GFM1: variants seen among roughly 807,000 people sequenced by gnomAD.
GFM1 encodes G elongation factor mitochondrial 1, also known as elongation factor G, mitochondrial.
In GFM1, 62 loss-of-function variants were observed where a neutral mutation model predicts 96.2. That is an observed-to-expected ratio of 0.64 (90% CI 0.53 to 0.80). The LOEUF is 0.80. Among genes scored for constraint, GFM1 ranks in the 30% least tolerant of loss-of-function variants. The pLI is 0.00. For missense variants in GFM1, 852 were observed against 916.6 expected, an observed-to-expected ratio of 0.93 and a Z score of 0.91; for synonymous variants, 282 against 312.9, an observed-to-expected ratio of 0.90 and a Z score of 1.04.
chr3:158,644,979 GGTT>G, intron 1 of GFM1: 3 of 299,718 alleles, frequency 1.0e-5, no homozygotes, highest in Middle Eastern at 9.4e-4. Flanking sequence ...CCTTTTCTAA[GGTT>G]TTTTTTTTTT....
intron 15 of GFM1, chr3:158,684,875 C>T: frequency 1.9e-6 from 1 of 538,158 alleles, no homozygotes; most frequent in East Asian, 3.1e-5. Context: ...ACTGTATTCT[C>T]CTACATTCTC....
chr3:158,651,127 A>T (rs1722269067), intron 5 of GFM1: 1 of 151,664 alleles, frequency 6.6e-6, no homozygotes, highest in African/African-American at 2.4e-5. Context: ...TTTATTTGTA[A>T]TTTTACCTGT....
At chr3:158,660,488 T>C (rs911829277) in intron 9 of GFM1, 1 of 242,174 alleles carries the variant, frequency 4.1e-6, no homozygotes, top group African/African-American at 2.3e-5. Context: ...CCTCAGGTGA[T>C]CCACTCGCCT....
intron 15 of GFM1, among the ~76,000 whole-genome samples, chr3:158,685,991 G>T (rs1725802616): frequency 6.6e-6 from 1 of 151,762 alleles, no homozygotes; most frequent in Non-Finnish European, 1.5e-5. Flanking sequence ...GGAAATAGAG[G>T]TTACATAAAG....
intron 13 of GFM1, among the ~76,000 whole-genome samples, chr3:158,681,628 C>G (rs1725389298): frequency 6.6e-6 from 1 of 152,110 alleles, no homozygotes; most frequent in South Asian, 2.1e-4. Context: ...AAGTAGTTGT[C>G]TTTGGTTACA....
intron 8 of GFM1, among the ~76,000 whole-genome samples, chr3:158,658,157 CTTTT>C (rs397842738): frequency 0.12 from 11,695 of 96,946 alleles, 363 homozygotes; most frequent in South Asian, 0.23. Context: ...TCACAGAACT[CTTTT>C]TTTTTTTTTT....
chr3:158,671,691 C>T (rs1477272676), intron 13 of GFM1, among the ~76,000 whole-genome samples: 1 of 152,196 alleles, frequency 6.6e-6, no homozygotes, highest in Non-Finnish European at 1.5e-5. Flanking sequence ...GGGATAATCT[C>T]AAATCCAGTA....
In GFM1 at chr3:158,652,093, TAGTC is replaced by T. The variant is rs778902849; in HGVS notation, c.690_693del (p.Gln231LeufsTer11). On this transcript the variant is annotated splice_acceptor_variant and coding_sequence_variant, in exon 6 of 18. Transcript: ENST00000486715. LOFTEE classifies it high-confidence loss of function. ...TAAAGCACCAAAATATTTGCTTTCT[TAGTC>T]AGATTGTTCGATATGGTGAGATTCC... 38 of 1,613,812 alleles carry T rather than the reference TAGTC, an allele frequency of 2.4e-5. No individual in the cohort carries two copies. Among genetic ancestry groups the T allele is most frequent in the Middle Eastern group, 1.6e-4 (1 of 6,084 alleles).
At chr3:158,648,134 T>A (rs541063739) in intron 4 of GFM1, among the ~76,000 whole-genome samples, 1 of 152,234 alleles carries the variant, frequency 6.6e-6, no homozygotes, top group Non-Finnish European at 1.5e-5. Flanking sequence ...GCAACATTTT[T>A]ATCAGTAGAG....
At chr3:158,665,795 T>C (rs1435080557) in intron 12 of GFM1, among the ~76,000 whole-genome samples, 1 of 152,216 alleles carries the variant, frequency 6.6e-6, no homozygotes, top group African/African-American at 2.4e-5. Flanking sequence ...GGAGACAACC[T>C]GCGGTTGTAC....
chr3:158,672,703 C>G lies in GFM1; in HGVS notation c.1601+6317C>G, dbSNP rs927364795. On this transcript the variant is annotated intron_variant, in intron 13 of 17. Transcript: ENST00000486715. ...TGGGCTGACTGCTTCTGAGGCCCCG[C>G]CCCACTACTGCCTGCAGCGGGCTTC... The G allele has an allele frequency of 1.5e-5, 7 of 457,532 alleles. No homozygotes were observed. In the Admixed American group the frequency reaches 1.7e-4, roughly 11 times the overall value. 28.3% of individuals were successfully genotyped at this position (457,532 alleles called of 1,614,324 possible). A position where few individuals can be genotyped will look rare whatever the true frequency, so the allele number is the denominator to read the frequency against.
chr3:158,652,332 A>G (rs1722367270), intron 6 of GFM1, 86 bp downstream of exon 6: 2 of 1,100,124 alleles, frequency 1.8e-6, no homozygotes, highest in South Asian at 1.3e-5. Flanking sequence ...GCTTTTATGT[A>G]TGGGCTTTAT....
chr3:158,662,185 A>G (rs1006396424), intron 10 of GFM1, among the ~76,000 whole-genome samples: 2 of 152,168 alleles, frequency 1.3e-5, no homozygotes, highest in African/African-American at 4.8e-5. Flanking sequence ...TGCTTCTCAG[A>G]GTTGTAATTC....
At position 158,663,226 on chromosome 3, in the gene GFM1, C is replaced by G. The variant is rs1248439431; in HGVS notation, c.1380+542C>G. ...TATAATTGGGTTTGATGTAATTTAGCTTTTAATAAATCCAAAATTGCATGA... is the reference window on the plus strand; with the variant it reads ...TATAATTGGGTTTGATGTAATTTAGGTTTTAATAAATCCAAAATTGCATGA... On this transcript the variant is annotated intron_variant, in intron 11 of 17. Coordinates refer to ENST00000486715, the MANE Select transcript of GFM1 (RefSeq NM_024996.7). 3.9e-5 allele frequency among the ~76,000 whole-genome samples: 6 copies of G among 152,058 alleles called. No individual in the cohort carries two copies. The East Asian group carries it at 1.2e-3, about 29-fold the overall frequency.
intron 13 of GFM1, among the ~76,000 whole-genome samples, chr3:158,674,646 A>G (rs529563678): frequency 2.0e-5 from 3 of 152,196 alleles, no homozygotes; most frequent in Non-Finnish European, 4.4e-5. Context: ...AAGACTGCCC[A>G]TATTTTATTT....
chr3:158,677,850 A>G (rs1419902307), intron 13 of GFM1, among the ~76,000 whole-genome samples: 1 of 152,218 alleles, frequency 6.6e-6, no homozygotes, highest in Non-Finnish European at 1.5e-5. Flanking sequence ...TTTTGGAAGA[A>G]GATGCCATCT....
At chr3:158,669,591 G>A in intron 13 of GFM1, 2 of 1,613,798 alleles carry the variant, frequency 1.2e-6, no homozygotes, top group Non-Finnish European at 1.7e-6. Flanking sequence ...TACTTCAGCT[G>A]TGCAGTTCAC....
Position 158,652,338 on chromosome 3 carries a change from T to C in GFM1, c.840+92T>C, listed in dbSNP as rs116385487. On this transcript the variant is annotated intron_variant, in intron 6 of 17. Transcript: ENST00000486715. ...GGACATGATGCTTTTATGTATGGGC[T>C]TTATTAATGAAATCTCAATACATTT... The C allele has an allele frequency of 1.7e-3, 1,789 of 1,041,422 alleles. 18 individuals carry two copies. In the African/African-American group the frequency reaches 0.024, roughly 14 times the overall value. 64.5% of individuals were successfully genotyped at this position (1,041,422 alleles called of 1,614,324 possible).
intron 5 of GFM1, chr3:158,650,125 A>G: frequency 7.4e-7 from 1 of 1,342,364 alleles, no homozygotes; most frequent in Non-Finnish European, 1.0e-6. Flanking sequence ...TCTTGTAAGC[A>G]GGAAAAGGAT....
Sources: allele counts gnomAD v4.1 joint callset (sites outside exome capture counted in the v4.1 genomes callset), GRCh38; gene constraint gnomAD v4.1.1; transcripts MANE v1.5; gene names NCBI Gene and HGNC (gene_info 2026-07-23, HGNC 2026-07-21).